Variants in ADAM12 observed in about 807,000 individuals in gnomAD.
The protein encoded by ADAM12 is ADAM metallopeptidase domain 12.
A neutral mutation model predicts 106.4 loss-of-function variants in ADAM12; 70 were observed. The observed-to-expected ratio is 0.66, with a 90% CI of 0.54 to 0.80. The LOEUF (loss-of-function observed/expected upper bound fraction) is 0.80. ADAM12 is among the 30% of genes least tolerant of loss of function. ADAM12 has a pLI of 0.00. For missense variants in ADAM12, 1,010 were observed against 1,171.9 expected (o/e 0.86, Z 2.02); for synonymous variants, 420 against 433.5 (o/e 0.97, Z 0.39).
intron 2 of ADAM12, among the ~76,000 whole-genome samples, chr10:126,279,551 C>A (rs1173418455): frequency 1.3e-5 from 2 of 151,750 alleles, no homozygotes; most frequent in African/African-American, 2.4e-5. Context: ...TATGGTGAAA[C>A]CCCATCTCTA....
At chr10:126,111,836 T>C (rs1369196154) in intron 6 of ADAM12, among the ~76,000 whole-genome samples, 1 of 152,196 alleles carries the variant, frequency 6.6e-6, no homozygotes, top group Non-Finnish European at 1.5e-5. Context: ...TTTATTCTCC[T>C]GTTAGCTGCA....
intron 1 of ADAM12, among the ~76,000 whole-genome samples, 194 bp downstream of exon 1, chr10:126,387,864 C>T (rs1396618209): frequency 1.4e-5 from 2 of 147,638 alleles, no homozygotes; most frequent in African/African-American, 5.0e-5. Flanking sequence ...GGCCAAGTGT[C>T]GCCCTTCCCC....
intron 3 of ADAM12, among the ~76,000 whole-genome samples, chr10:126,200,417 C>T (rs1177072421): frequency 6.6e-6 from 1 of 152,098 alleles, no homozygotes; most frequent in East Asian, 1.9e-4. Context: ...GTAACCAACA[C>T]CAATAAAAGC....
At chr10:126,126,268 G>A (rs1956204634) in intron 5 of ADAM12, among the ~76,000 whole-genome samples, 1 of 152,128 alleles carries the variant, frequency 6.6e-6, no homozygotes, top group African/African-American at 2.4e-5. Context: ...CTTCGAGGCT[G>A]ATGAGTGACC....
At chr10:126,026,992 G>GA (rs1294438592) in intron 21 of ADAM12, among the ~76,000 whole-genome samples, 2 of 151,328 alleles carry the variant, frequency 1.3e-5, no homozygotes, top group Non-Finnish European at 3.0e-5. Context: ...TAGTTTTTTT[G>GA]AAAAAATTAC....
intron 3 of ADAM12, among the ~76,000 whole-genome samples, chr10:126,228,600 A>G (rs1293830218): frequency 6.6e-6 from 1 of 152,226 alleles, no homozygotes; most frequent in Non-Finnish European, 1.5e-5. Context: ...TGTTTCTAGT[A>G]GGGTATTTTT....
chr10:126,254,606 C>G (rs1958853473), intron 3 of ADAM12, among the ~76,000 whole-genome samples: 1 of 152,156 alleles, frequency 6.6e-6, no homozygotes, highest in African/African-American at 2.4e-5. Context: ...GCGGGAGGCC[C>G]TTTCCTTGGC....
Position 126,049,471 on chromosome 10 carries a change from C to A in ADAM12, c.1719-20G>T. 6.2e-7 allele frequency: 1 copy of A among 1,614,118 alleles called. No homozygotes were observed. The highest frequency in any genetic ancestry group is 8.5e-7 in the Non-Finnish European group (1 of 1,179,964). ...GCATCTCTGGAAGGGTAAGAACAAA[C>A]AATTCCCAAGGAGAAACCATTTGGA... On this transcript the variant is annotated intron_variant, in intron 15 of 22. Coordinates refer to ENST00000448723, the MANE Select transcript of ADAM12 (RefSeq NM_001288973.2). This position sits in a 1 kb window ranked among gnomAD's most constrained non-coding sequence, Gnocchi z 4.4.
In ADAM12 at chr10:126,064,782, G is replaced by T; in HGVS notation, c.1609+24C>A. 5.1e-6 allele frequency: 8 copies of T among 1,579,916 alleles called. No individual in the cohort carries two copies. Among genetic ancestry groups the T allele is most frequent in the Non-Finnish European group, 6.0e-6 (7 of 1,163,820 alleles). On this transcript the variant is annotated intron_variant, in intron 14 of 22. Coordinates refer to ENST00000448723, the MANE Select transcript of ADAM12 (RefSeq NM_001288973.2). This position sits in a 1 kb window ranked among gnomAD's most constrained non-coding sequence, Gnocchi z 4.4. ...CAGGTCTGCCAGTGCCTCTCCTGAT[G>T]CCGAGCTTGTGGCGGCCACGTACCT... is the stretch of plus-strand genomic sequence containing the variant.
intron 2 of ADAM12, among the ~76,000 whole-genome samples, chr10:126,327,117 G>C (rs2133845398): frequency 6.6e-6 from 1 of 152,314 alleles, no homozygotes; most frequent in African/African-American, 2.4e-5. Flanking sequence ...GGAGAGAATG[G>C]AGGGACAGTC....
chr10:126,384,040 C>A (rs1246682914), intron 1 of ADAM12, among the ~76,000 whole-genome samples: 1 of 152,178 alleles, frequency 6.6e-6, no homozygotes, highest in Non-Finnish European at 1.5e-5. Context: ...TTTGTCCTTT[C>A]TGCTGTATTA....
intron 6 of ADAM12, among the ~76,000 whole-genome samples, chr10:126,111,123 G>A (rs1955860168): frequency 6.6e-6 from 1 of 152,180 alleles, no homozygotes; most frequent in Non-Finnish European, 1.5e-5. Flanking sequence ...TATTATAGCA[G>A]TGTTCCTTCT....
At chr10:126,310,787 A>T (rs72828735) in intron 2 of ADAM12, among the ~76,000 whole-genome samples, 1 of 152,218 alleles carries the variant, frequency 6.6e-6, no homozygotes, top group Non-Finnish European at 1.5e-5. Context: ...GTTGTAATGC[A>T]GAGTAGCACA....
At position 126,066,635 on chromosome 10, in the gene ADAM12, C is replaced by T; in HGVS notation, c.1413+82G>A. ...GGTGAGTGCTGGGAAACCTTCCAGC[C>T]ACACTGCTTGCCCTGCATCAGATCT... On this transcript the variant is annotated intron_variant, in intron 13 of 22. Coordinates refer to ENST00000448723, the MANE Select transcript of ADAM12 (RefSeq NM_001288973.2). This position sits in a 1 kb window ranked among gnomAD's most constrained non-coding sequence, Gnocchi z 5.1. 5.1e-6 allele frequency: 7 copies of T among 1,372,692 alleles called. No individual in the cohort carries two copies. Among genetic ancestry groups the T allele is most frequent in the Non-Finnish European group, 6.2e-6 (6 of 964,920 alleles). The allele number at this position is 1,372,692 out of a possible 1,614,324, so 85.0% of individuals were successfully genotyped here. A position where few individuals can be genotyped will look rare whatever the true frequency, so the allele number is the denominator to read the frequency against.
chr10:126,057,743 C>T (rs1015714986), intron 14 of ADAM12, among the ~76,000 whole-genome samples: 1 of 152,202 alleles, frequency 6.6e-6, no homozygotes, highest in Non-Finnish European at 1.5e-5. Flanking sequence ...TGAAATCTAC[C>T]TGTGTGGTAG....
intron 3 of ADAM12, among the ~76,000 whole-genome samples, chr10:126,192,667 C>T (rs1225014901): frequency 1.3e-5 from 2 of 152,194 alleles, no homozygotes; most frequent in Non-Finnish European, 2.9e-5. Flanking sequence ...GGATCCCCCT[C>T]GGGAATATTT....
intron 2 of ADAM12, among the ~76,000 whole-genome samples, chr10:126,308,405 C>A (rs1283206186): frequency 6.6e-6 from 1 of 152,200 alleles, no homozygotes; most frequent in Non-Finnish European, 1.5e-5. Context: ...GCCTTTCTCA[C>A]CCAGTACCTC....
intron 4 of ADAM12, among the ~76,000 whole-genome samples, chr10:126,144,019 C>T (rs1956577816): frequency 1.3e-5 from 2 of 152,092 alleles, no homozygotes. Context: ...GTCACCACAC[C>T]CATCCTCCGA....
chr10:126,330,673 C>A (rs1276469880), intron 1 of ADAM12, among the ~76,000 whole-genome samples, 164 bp from the exon 2 acceptor site: 1 of 152,188 alleles, frequency 6.6e-6, no homozygotes, highest in Admixed American at 6.5e-5. Context: ...CTGCTGAATT[C>A]TCTGTCAATC....
Sources: allele counts gnomAD v4.1 joint callset (sites outside exome capture counted in the v4.1 genomes callset), GRCh38; gene constraint gnomAD v4.1.1; non-coding constraint Gnocchi (gnomAD v3.1); transcripts MANE v1.5; gene names NCBI Gene and HGNC (gene_info 2026-07-23, HGNC 2026-07-21).